The following L3MBTL4 variants were observed in gnomAD, a reference collection of about 807,000 sequenced individuals.
The protein encoded by L3MBTL4 is L3MBTL histone methyl-lysine binding protein 4.
Under a neutral mutation model 84.5 loss-of-function variants are expected in L3MBTL4, and 70 were observed. The observed-to-expected ratio is 0.83, with a 90% CI of 0.68 to 1.01. The LOEUF (loss-of-function observed/expected upper bound fraction) is 1.01, where lower values mean the gene tolerates loss of function less well. Ranked by LOEUF, L3MBTL4 falls within the 50% of genes least tolerant of loss-of-function variation. The pLI is 0.00. For missense variants in L3MBTL4, 715 were observed against 754.8 expected (o/e 0.95, Z 0.62); for synonymous variants, 274 against 259.8 (o/e 1.05, Z -0.52).
intron 1 of L3MBTL4, among the ~76,000 whole-genome samples, chr18:6,330,071 T>A (rs2051947812): frequency 6.6e-6 from 1 of 152,210 alleles, no homozygotes; most frequent in Non-Finnish European, 1.5e-5. Flanking sequence ...TGCTGATGAG[T>A]ATTTGAGTAA....
At chr18:6,165,823 T>C (rs375822580) in intron 13 of L3MBTL4, among the ~76,000 whole-genome samples, 1 of 152,076 alleles carries the variant, frequency 6.6e-6, no homozygotes, top group South Asian at 2.1e-4. Flanking sequence ...CAAATTCACA[T>C]ATAACAATAT....
chr18:6,172,906 A>G (rs2044044851), intron 12 of L3MBTL4, among the ~76,000 whole-genome samples: 1 of 152,212 alleles, frequency 6.6e-6, no homozygotes, highest in African/African-American at 2.4e-5. Context: ...AAAATTCTAT[A>G]TATTCAGTCC....
chr18:6,203,452 C>G (rs1418820023), intron 12 of L3MBTL4, among the ~76,000 whole-genome samples: 4 of 152,148 alleles, frequency 2.6e-5, no homozygotes, highest in Admixed American at 6.5e-5. Flanking sequence ...CCTTTACTTA[C>G]AACACTGTTG....
intron 16 of L3MBTL4, among the ~76,000 whole-genome samples, chr18:6,048,377 AT>A (rs994580728): frequency 5.9e-5 from 9 of 152,232 alleles, no homozygotes; most frequent in Non-Finnish European, 1.3e-4. Flanking sequence ...GAATTAAAAA[AT>A]ATAATTCTGA....
At chr18:6,030,874 A>T (rs1434987635) in intron 16 of L3MBTL4, 1 of 985,126 alleles carries the variant, frequency 1.0e-6, no homozygotes, top group Non-Finnish European at 1.2e-6. Context: ...ACTGTAGGAT[A>T]TAAACAACCA....
intron 14 of L3MBTL4, among the ~76,000 whole-genome samples, chr18:6,117,986 C>T (rs1242854922): frequency 6.6e-6 from 1 of 152,036 alleles, no homozygotes; most frequent in East Asian, 1.9e-4. Context: ...GAGAACACAG[C>T]CAGGCTGAAC....
rs796171136 is a variant in L3MBTL4, at chr18:6,101,050, T to C, written c.1200-7522A>G. ...ATCCACACTCAGTCTTCTGTGGGGATGAAGGTGTTTCCTGGGGTGTTTGGT... is the reference window on the plus strand; with the variant it reads ...ATCCACACTCAGTCTTCTGTGGGGACGAAGGTGTTTCCTGGGGTGTTTGGT... On this transcript the variant is annotated intron_variant, in intron 14 of 18. Transcript: ENST00000317931. Among the ~76,000 whole-genome samples the C allele has an allele frequency of 5.9e-5, 9 of 152,322 alleles. No individual in the cohort carries two copies. The East Asian group carries it at 1.5e-3, about 26-fold the overall frequency.
At chr18:6,077,788 T>C (rs2057910288) in intron 16 of L3MBTL4, among the ~76,000 whole-genome samples, 1 of 150,618 alleles carries the variant, frequency 6.6e-6, no homozygotes, top group Non-Finnish European at 1.5e-5. Flanking sequence ...CCCAGCACTT[T>C]GGGAGGCCGA....
At chr18:6,207,207 G>A (rs898901044) in intron 12 of L3MBTL4, among the ~76,000 whole-genome samples, 1 of 152,206 alleles carries the variant, frequency 6.6e-6, no homozygotes, top group Non-Finnish European at 1.5e-5. Context: ...GAACAGCAGA[G>A]TCGAGCAGTT....
At chr18:6,272,651 A>G (rs1429193286) in intron 4 of L3MBTL4, among the ~76,000 whole-genome samples, 1 of 94,054 alleles carries the variant, frequency 1.1e-5, no homozygotes, top group Non-Finnish European at 2.1e-5. Context: ...GTGCAAATTC[A>G]ACTAGGACTG....
At chr18:6,250,977 A>G (rs1486297099) in intron 5 of L3MBTL4, among the ~76,000 whole-genome samples, 2 of 152,244 alleles carry the variant, frequency 1.3e-5, no homozygotes, top group African/African-American at 4.8e-5. Flanking sequence ...ACATAGGCGA[A>G]CTGTGATATA....
intron 10 of L3MBTL4, among the ~76,000 whole-genome samples, chr18:6,218,361 T>C (rs1183006630): frequency 1.3e-5 from 2 of 152,192 alleles, no homozygotes; most frequent in African/African-American, 4.8e-5. Flanking sequence ...CATTTCTGTG[T>C]AGATTTTGAA....
intron 1 of L3MBTL4, among the ~76,000 whole-genome samples, chr18:6,315,973 G>A (rs113409816): frequency 0.033 from 4,800 of 147,042 alleles, 187 homozygotes; most frequent in East Asian, 0.083. Flanking sequence ...AAGATTCAGG[G>A]TCCAAAGGGT....
intron 16 of L3MBTL4, among the ~76,000 whole-genome samples, chr18:6,028,765 A>C (rs2055636598): frequency 6.6e-6 from 1 of 152,120 alleles, no homozygotes. Flanking sequence ...TTGTATTCCC[A>C]GGTATTTTAT....
At chr18:6,231,486 T>C (rs938240764) in intron 10 of L3MBTL4, among the ~76,000 whole-genome samples, 1 of 152,206 alleles carries the variant, frequency 6.6e-6, no homozygotes, top group Non-Finnish European at 1.5e-5. Flanking sequence ...AGTAGACTTG[T>C]ATAGTTTGAA....
At chr18:6,219,195 C>T (rs550164717) in intron 10 of L3MBTL4, among the ~76,000 whole-genome samples, 1 of 152,040 alleles carries the variant, frequency 6.6e-6, no homozygotes, top group South Asian at 2.1e-4. Flanking sequence ...TGAACAATGA[C>T]GCGTGGCTCC....
intron 5 of L3MBTL4, among the ~76,000 whole-genome samples, chr18:6,255,543 T>G (rs937429296): frequency 5.3e-5 from 8 of 152,282 alleles, no homozygotes; most frequent in African/African-American, 1.9e-4. Flanking sequence ...TTTCTGCCCT[T>G]CAGAGCCCCA....
intron 12 of L3MBTL4, among the ~76,000 whole-genome samples, chr18:6,202,888 C>G (rs1270514551): frequency 6.6e-6 from 1 of 152,146 alleles, no homozygotes; most frequent in Non-Finnish European, 1.5e-5. Flanking sequence ...GAGGTCACAG[C>G]AGTAGATACA....
chr18:6,222,754 T>A (rs147399601), intron 10 of L3MBTL4, among the ~76,000 whole-genome samples: 2 of 152,218 alleles, frequency 1.3e-5, no homozygotes, highest in African/African-American at 4.8e-5. Flanking sequence ...AGGCACTCAA[T>A]TCATATCGTT....
Sources: gnomAD v4.1 joint callset for allele counts (sites outside exome capture counted in the v4.1 genomes callset) on GRCh38, gnomAD v4.1.1 for gene constraint, MANE v1.5 for transcripts, NCBI Gene and HGNC (gene_info 2026-07-23, HGNC 2026-07-21) for gene names.